TTC7A: variants seen among roughly 807,000 people sequenced by gnomAD.
The protein encoded by TTC7A is tetratricopeptide repeat domain 7A, also known as tetratricopeptide repeat protein 7A.
In TTC7A, 110 loss-of-function variants were observed where a neutral mutation model predicts 103.7. That is an observed-to-expected ratio of 1.06 (90% CI 0.91 to 1.24). The LOEUF (loss-of-function observed/expected upper bound fraction) is 1.24, where lower values mean the gene tolerates loss of function less well. Among genes scored for constraint, TTC7A ranks in the 50% most tolerant of loss-of-function variants. The pLI is 0.00. For synonymous variants in TTC7A, 521 were observed against 467.9 expected (o/e 1.11, Z -1.47); for missense variants, 1,340 against 1,116.3 (o/e 1.20, Z -2.86).
At chr2:46,989,641 G>A (rs1321974596) in intron 5 of TTC7A, among the ~76,000 whole-genome samples, 1 of 150,550 alleles carries the variant, frequency 6.6e-6, no homozygotes, top group African/African-American at 2.4e-5. Flanking sequence ...TTTCTTGAAG[G>A]ACATTCAATA....
Position 46,941,905 on chromosome 2 carries a change from T to C in TTC7A, c.184+180T>C, listed in dbSNP as rs1183171647. ...TCTGCCGCGAGAGAAAAATCACATG[T>C]GGTTTGGGGGCTTGGAGGGAAGAGA... On this transcript the variant is annotated intron_variant, in intron 1 of 19. Transcript: ENST00000319190. The surrounding 1 kb of genome is among the most constrained non-coding windows in gnomAD (Gnocchi z 4.2). 1.1e-5 allele frequency: 8 copies of C among 757,284 alleles called. No homozygotes were observed. Among genetic ancestry groups the C allele is most frequent in the Non-Finnish European group, 1.7e-5 (8 of 469,046 alleles). 46.9% of individuals were successfully genotyped at this position (757,284 alleles called of 1,614,324 possible).
chr2:46,982,376 G>GAA (rs1033617812), intron 5 of TTC7A, among the ~76,000 whole-genome samples: 1 of 140,724 alleles, frequency 7.1e-6, no homozygotes, highest in African/African-American at 2.6e-5. Flanking sequence ...CCTCTGTCAA[G>GAA]AAAAAAAAAA....
At chr2:47,044,066 G>A (rs1682050858) in intron 15 of TTC7A, among the ~76,000 whole-genome samples, 1 of 152,182 alleles carries the variant, frequency 6.6e-6, no homozygotes, top group African/African-American at 2.4e-5. Context: ...GCCCAGCCCA[G>A]GGGACTTGGC....
intron 11 of TTC7A, among the ~76,000 whole-genome samples, chr2:47,017,551 C>G (rs1043295331): frequency 2.6e-5 from 4 of 151,974 alleles, no homozygotes; most frequent in African/African-American, 9.7e-5. Context: ...ATAAAATAAT[C>G]AAAACCTTGA....
In TTC7A at chr2:47,051,740, C is replaced by G. The variant is rs776091365; in HGVS notation, c.2018-6C>G. On this transcript the variant is annotated splice_polypyrimidine_tract_variant and splice_region_variant and intron_variant, in intron 17 of 19. Coordinates refer to ENST00000319190, the MANE Select transcript of TTC7A (RefSeq NM_020458.4). ...ACTGCTCGGCTCGTGCCCTCTTGCTCTGCAGGCTCCCGGCGGGCTTCGTCC... is the reference window on the plus strand; with the variant it reads ...ACTGCTCGGCTCGTGCCCTCTTGCTGTGCAGGCTCCCGGCGGGCTTCGTCC... The G allele has an allele frequency of 1.9e-6, 3 of 1,608,320 alleles. No homozygotes were observed. Among genetic ancestry groups the G allele is most frequent in the African/African-American group, 1.3e-5 (1 of 74,860 alleles).
chr2:47,073,794 G>A lies in TTC7A; in HGVS notation c.2448G>A (p.Trp816Ter). The change falls in exon 20 of 20, where the codon TGG becomes TGA. Residue 816 changes from tryptophan to a stop codon, truncating the protein, a stop_gained. Coordinates refer to ENST00000319190, the MANE Select transcript of TTC7A (RefSeq NM_020458.4). LOFTEE classifies it high-confidence loss of function. ...GGCAGAGTACGTGCCACGAGGCGTGGCAGGGCCTGGGCGAGGTGCTGCAGG... is the reference window on the plus strand; with the variant it reads ...GGCAGAGTACGTGCCACGAGGCGTGACAGGGCCTGGGCGAGGTGCTGCAGG... ...VERQSTCHEA[W>*]QGLGEVLQAQ... The A allele has an allele frequency of 6.2e-7, 1 of 1,613,808 alleles. No individual in the cohort carries two copies. Among genetic ancestry groups the A allele is most frequent in the Non-Finnish European group, 8.5e-7 (1 of 1,180,016 alleles).
At chr2:47,066,871 T>TA (rs2104805880) in intron 19 of TTC7A, among the ~76,000 whole-genome samples, 1 of 152,266 alleles carries the variant, frequency 6.6e-6, no homozygotes, top group African/African-American at 2.4e-5. Context: ...AAAAAATATA[T>TA]TTTTTATAGT....
chr2:47,013,251 A>G lies in TTC7A; in HGVS notation c.1392+1816A>G, dbSNP rs548394182. Among the ~76,000 whole-genome samples the G allele has an allele frequency of 7.2e-5, 11 of 152,320 alleles. No homozygotes were observed. The South Asian group carries it at 2.1e-3, about 29-fold the overall frequency. Reference sequence around the variant, plus strand: ...ATCACAGCTTGCTTTCCCCCACCTCATGAGTATCAGGGAACCCTTGGTTCC... The same window carrying G: ...ATCACAGCTTGCTTTCCCCCACCTCGTGAGTATCAGGGAACCCTTGGTTCC... On this transcript the variant is annotated intron_variant, in intron 11 of 19. Transcript: ENST00000319190.
At chr2:47,039,162 A>G (rs1232063941) in intron 15 of TTC7A, among the ~76,000 whole-genome samples, 1 of 152,208 alleles carries the variant, frequency 6.6e-6, no homozygotes, top group Non-Finnish European at 1.5e-5. Context: ...GAAGCAGCAG[A>G]GCCTGGAAGT....
At position 47,074,709 on chromosome 2, in the gene TTC7A, C is replaced by T. The variant is rs1386257387; in HGVS notation, c.*786C>T. On this transcript the variant is annotated 3_prime_UTR_variant, in exon 20 of 20. Transcript: ENST00000319190. Reference sequence around the variant, plus strand: ...CCACCAACATGGAGGTAGGCAGTTTCTAGGACTGTCCCCAGTACATCTCAC... The same window carrying T: ...CCACCAACATGGAGGTAGGCAGTTTTTAGGACTGTCCCCAGTACATCTCAC... 6.6e-6 allele frequency: 1 copy of T among 152,422 alleles called. No individual in the cohort carries two copies. Among genetic ancestry groups the T allele is most frequent in the Non-Finnish European group, 1.5e-5 (1 of 68,180 alleles). The allele number at this position is 152,422 out of a possible 1,614,324, so 9.4% of individuals were successfully genotyped here. A position where few individuals can be genotyped will look rare whatever the true frequency, so the allele number is the denominator to read the frequency against.
At chr2:46,971,965 A>G (rs1572769008) in intron 3 of TTC7A, among the ~76,000 whole-genome samples, 1 of 134,682 alleles carries the variant, frequency 7.4e-6, no homozygotes, top group Admixed American at 7.3e-5. Flanking sequence ...GGAGGTAGGG[A>G]GGGAGGGAGG....
At chr2:46,975,474 G>C (rs71423932) in intron 4 of TTC7A, among the ~76,000 whole-genome samples, 6,946 of 151,970 alleles carry the variant, frequency 0.046, 212 homozygotes, top group Non-Finnish European at 0.068. Flanking sequence ...CCTGGATCCT[G>C]TGAGGAAGCA....
chr2:46,954,587 G>A (rs77662876), intron 2 of TTC7A, among the ~76,000 whole-genome samples: 3 of 35,008 alleles, frequency 8.6e-5, no homozygotes, highest in Non-Finnish European at 1.5e-4. Context: ...TTTTTTTTTT[G>A]AGACAACGGA....
intron 3 of TTC7A, among the ~76,000 whole-genome samples, chr2:46,971,094 C>A (rs907459292): frequency 2.0e-5 from 3 of 152,234 alleles, no homozygotes; most frequent in Non-Finnish European, 4.4e-5. Context: ...TTCATCCAGC[C>A]AGCAAATGCT....
rs2103890397 is a variant in TTC7A at position 46,941,790 on chromosome 2, A to G, written c.184+65A>G. 4 of 1,540,314 alleles carry G rather than the reference A, an allele frequency of 2.6e-6. No homozygotes were observed. The highest frequency in any genetic ancestry group is 3.5e-6 in the Non-Finnish European group (4 of 1,140,742). On this transcript the variant is annotated intron_variant, in intron 1 of 19. Coordinates refer to ENST00000319190, the MANE Select transcript of TTC7A (RefSeq NM_020458.4). This position sits in a 1 kb window ranked among gnomAD's most constrained non-coding sequence, Gnocchi z 4.2. ...GCGAAACGCACCGCCTCCTCCAGGA[A>G]GCGCGCCCAGACAGTCCTCGGCCGA...
At chr2:46,925,324 A>C (rs1669330790) in intron 2 of TTC7A, among the ~76,000 whole-genome samples, 2 of 152,058 alleles carry the variant, frequency 1.3e-5, no homozygotes, top group African/African-American at 4.8e-5. Flanking sequence ...TTGGGAGGCT[A>C]AGGTGGGCGG....
intron 1 of TTC7A, among the ~76,000 whole-genome samples, chr2:46,942,861 G>A (rs1477348837): frequency 2.6e-5 from 4 of 152,146 alleles, no homozygotes; most frequent in Non-Finnish European, 5.9e-5. Context: ...GCAATTGTTT[G>A]TGGGGTTTTT....
chr2:46,921,692 C>T (rs1304822878), intron 2 of TTC7A, among the ~76,000 whole-genome samples: 2 of 152,172 alleles, frequency 1.3e-5, no homozygotes, highest in Non-Finnish European at 2.9e-5. Flanking sequence ...TCATGGAAGA[C>T]AATTTTTCCA....
chr2:47,058,987 G>C (rs898261366), intron 18 of TTC7A, among the ~76,000 whole-genome samples: 2 of 148,468 alleles, frequency 1.3e-5, no homozygotes, highest in Non-Finnish European at 1.5e-5. Flanking sequence ...GAATGGAGTG[G>C]GGTCCTCACC....
Sources: allele counts gnomAD v4.1 joint callset (sites outside exome capture counted in the v4.1 genomes callset), GRCh38; gene constraint gnomAD v4.1.1; non-coding constraint Gnocchi (gnomAD v3.1); transcripts MANE v1.5; gene names NCBI Gene and HGNC (gene_info 2026-07-23, HGNC 2026-07-21).